PLAC1: variants seen among roughly 807,000 people sequenced by gnomAD.
PLAC1 encodes placenta-specific protein 1.
For synonymous variants in PLAC1, 68 were observed against 62.1 expected (o/e 1.09, Z -0.44); for missense variants, 136 against 163.2 (o/e 0.83, Z 0.91).
intron 2 of PLAC1, among the ~76,000 whole-genome samples, chrX:134,665,071 A>AGT (rs59815179): frequency 0.056 from 5,802 of 103,805 alleles, 421 homozygotes; most frequent in African/African-American, 0.19. Flanking sequence ...GTGATTTTGG[A>AGT]GTGTGTGTGT....
intron 2 of PLAC1, among the ~76,000 whole-genome samples, chrX:134,670,180 T>C (rs1275026306): frequency 2.7e-5 from 3 of 110,418 alleles, no homozygotes; most frequent in African/African-American, 6.6e-5. Flanking sequence ...CAGCCTTCTA[T>C]GTTCACCTGA....
intron 1 of PLAC1, among the ~76,000 whole-genome samples, chrX:134,753,942 A>G (rs1382012558): frequency 8.9e-6 from 1 of 111,883 alleles, no homozygotes; most frequent in Non-Finnish European, 1.9e-5. Flanking sequence ...GGATGACACA[A>G]AATATTTCTT....
chrX:134,722,259 A>G (rs1441567654), intron 2 of PLAC1, among the ~76,000 whole-genome samples: 1 of 112,314 alleles, frequency 8.9e-6, no homozygotes, highest in African/African-American at 3.2e-5. Flanking sequence ...ACAGATAGCC[A>G]AAAGATGGAA....
chrX:134,719,556 G>A (rs770071261), intron 2 of PLAC1, among the ~76,000 whole-genome samples: 2 of 111,670 alleles, frequency 1.8e-5, no homozygotes, highest in East Asian at 5.7e-4. Context: ...TTGGGAGGCC[G>A]AGGCGGGTGG....
intron 1 of PLAC1, among the ~76,000 whole-genome samples, chrX:134,756,262 T>C (rs2147853484): frequency 9.0e-6 from 1 of 111,051 alleles, no homozygotes; most frequent in African/African-American, 3.3e-5. Flanking sequence ...CATTTGGATT[T>C]GGAGTCATAT....
At chrX:134,646,476 C>A (rs545659633) in intron 1 of PLAC1, among the ~76,000 whole-genome samples, 3 of 112,091 alleles carry the variant, frequency 2.7e-5, no homozygotes, top group Non-Finnish European at 5.6e-5. Context: ...ATTTAGATTT[C>A]GAATCTCTCT....
intron 2 of PLAC1, among the ~76,000 whole-genome samples, chrX:134,729,800 T>C (rs1334758157): frequency 9.0e-6 from 1 of 111,385 alleles, no homozygotes; most frequent in Non-Finnish European, 1.9e-5. Context: ...TTTTTTTGTT[T>C]TGTTTTTCGA....
intron 1 of PLAC1, among the ~76,000 whole-genome samples, chrX:134,613,980 C>A (rs184428916): frequency 3.0e-3 from 330 of 110,312 alleles, no homozygotes; most frequent in African/African-American, 0.01. Context: ...AAAGCGACCC[C>A]CCGGCTGACC....
At chrX:134,691,159 C>T (rs1362553785) in intron 2 of PLAC1, among the ~76,000 whole-genome samples, 1 of 98,527 alleles carries the variant, frequency 1.0e-5, no homozygotes, top group Non-Finnish European at 2.0e-5. Flanking sequence ...GGGGGTAATA[C>T]CACCTACCTT....
intron 1 of PLAC1, among the ~76,000 whole-genome samples, chrX:134,749,043 A>G (rs754200238): frequency 1.8e-5 from 2 of 112,212 alleles, no homozygotes; most frequent in Non-Finnish European, 3.8e-5. Context: ...CAGGCTGGGC[A>G]TGGTGGCTCA....
intron 1 of PLAC1, among the ~76,000 whole-genome samples, chrX:134,647,515 T>C (rs1414298469): frequency 1.8e-5 from 2 of 108,342 alleles, no homozygotes; most frequent in Admixed American, 2.0e-4. Context: ...AGGGTGCCTG[T>C]GCCTATGAAC....
intron 2 of PLAC1, among the ~76,000 whole-genome samples, chrX:134,696,698 G>A (rs1229487934): frequency 9.0e-6 from 1 of 111,244 alleles, no homozygotes; most frequent in African/African-American, 3.3e-5. Flanking sequence ...GCTTGCAAGC[G>A]GCCCTCAGCT....
At chrX:134,661,836 T>C (rs1440107437), upstream of PLAC1, among the ~76,000 whole-genome samples, 2 of 112,387 alleles carry the variant, frequency 1.8e-5, no homozygotes. Context: ...CACAATGGTG[T>C]GCTCATACCA....
intron 1 of PLAC1, among the ~76,000 whole-genome samples, chrX:134,629,968 C>CTTTTTTT (rs368081621): frequency 1.1e-5 from 1 of 89,908 alleles, no homozygotes; most frequent in African/African-American, 4.2e-5. Context: ...CTCTTCTTCC[C>CTTTTTTT]TTTTTTTTTT....
intron 1 of PLAC1, among the ~76,000 whole-genome samples, chrX:134,755,974 C>G (rs759712087): frequency 1.0e-3 from 106 of 104,183 alleles, no homozygotes; most frequent in Non-Finnish European, 1.8e-3. Flanking sequence ...ATCTCAGCCT[C>G]CCAAGTAGCT....
At chrX:134,708,022 A>G (rs1311350200) in intron 2 of PLAC1, among the ~76,000 whole-genome samples, 1 of 112,204 alleles carries the variant, frequency 8.9e-6, no homozygotes, top group Non-Finnish European at 1.9e-5. Flanking sequence ...AATTCTAAAA[A>G]ATATTCAAGT....
chrX:134,628,692 G>T (rs2078247104), intron 1 of PLAC1, among the ~76,000 whole-genome samples: 1 of 112,178 alleles, frequency 8.9e-6, no homozygotes, highest in East Asian at 2.8e-4. Flanking sequence ...TATTGTGAAA[G>T]GGCAACAATG....
At chrX:134,730,393 T>G (rs1248326789) in intron 2 of PLAC1, among the ~76,000 whole-genome samples, 1 of 111,616 alleles carries the variant, frequency 9.0e-6, no homozygotes, top group Non-Finnish European at 1.9e-5. Context: ...TAGAGTTGTC[T>G]ATTTACCACA....
chrX:134,591,721 A>G (rs893499800), intron 2 of PLAC1, among the ~76,000 whole-genome samples: 1 of 112,545 alleles, frequency 8.9e-6, no homozygotes, highest in Non-Finnish European at 1.9e-5. Flanking sequence ...TGAAACTGCC[A>G]AAGAGTTTTC....
Sources: allele counts gnomAD v4.1 joint callset (sites outside exome capture counted in the v4.1 genomes callset), GRCh38; gene constraint gnomAD v4.1.1; transcripts MANE v1.5; gene names NCBI Gene and HGNC (gene_info 2026-07-23, HGNC 2026-07-21).